FGGY: variants seen among roughly 807,000 people sequenced by gnomAD.
FGGY encodes the protein FGGY carbohydrate kinase domain-containing protein.
Under a neutral mutation model 71.3 loss-of-function variants are expected in FGGY, and 72 were observed. The observed-to-expected ratio is 1.01, with a 90% CI of 0.84 to 1.23. The LOEUF (loss-of-function observed/expected upper bound fraction) is 1.23. FGGY is among the 50% of genes most tolerant of loss of function. The probability of loss-of-function intolerance (pLI) is 0.00; values close to 1 mark genes in which losing one functional copy is unlikely to be tolerated. For synonymous variants in FGGY, 251 were observed against 250.3 expected, an observed-to-expected ratio of 1.00 and a Z score of -0.02; for missense variants, 668 against 682.3, an observed-to-expected ratio of 0.98 and a Z score of 0.23.
At chr1:59,675,709 AC>A (rs2097429098) in intron 14 of FGGY, among the ~76,000 whole-genome samples, 1 of 152,234 alleles carries the variant, frequency 6.6e-6, no homozygotes, top group African/African-American at 2.4e-5. Flanking sequence ...AGATGTTCTC[AC>A]AATTAAATAT....
intron 4 of FGGY, among the ~76,000 whole-genome samples, chr1:59,366,421 G>A (rs971938487): frequency 2.0e-5 from 3 of 151,764 alleles, no homozygotes; most frequent in East Asian, 1.9e-4. Context: ...ATCTCTCCCC[G>A]GAAGCCTTTA....
chr1:59,465,959 C>G (rs1558020410), intron 6 of FGGY, among the ~76,000 whole-genome samples: 3 of 152,106 alleles, frequency 2.0e-5, no homozygotes, highest in Non-Finnish European at 4.4e-5. Flanking sequence ...CCATGCCATT[C>G]CCATCAAGCT....
At chr1:59,439,219 T>G (rs1033635609) in intron 5 of FGGY, among the ~76,000 whole-genome samples, 2 of 152,166 alleles carry the variant, frequency 1.3e-5, no homozygotes, top group African/African-American at 4.8e-5. Flanking sequence ...TTGCATGGAA[T>G]TTGCACCTCA....
At chr1:59,700,516 T>C (rs766829779) in intron 14 of FGGY, among the ~76,000 whole-genome samples, 1 of 152,136 alleles carries the variant, frequency 6.6e-6, no homozygotes. Context: ...AATAAGAGTT[T>C]ATGTTATTAG....
chr1:59,490,976 CTGCTTGCT>C (rs111259040), intron 6 of FGGY, among the ~76,000 whole-genome samples: 25 of 46,818 alleles, frequency 5.3e-4, no homozygotes, highest in African/African-American at 1.6e-3. Context: ...TGCCTCCAGC[CTGCTTGCT>C]TGCTTGCTTG....
chr1:59,445,219 A>AG (rs1357451752), intron 5 of FGGY, among the ~76,000 whole-genome samples: 22 of 152,208 alleles, frequency 1.4e-4, no homozygotes, highest in Non-Finnish European at 2.9e-4. Flanking sequence ...CTTCTGAGGT[A>AG]TGCACAGCAA....
At chr1:59,745,303 A>G (rs912831289) in intron 14 of FGGY, among the ~76,000 whole-genome samples, 1 of 152,188 alleles carries the variant, frequency 6.6e-6, no homozygotes, top group Non-Finnish European at 1.5e-5. Flanking sequence ...TTGAAAGAGC[A>G]TGGAGGGATA....
intron 14 of FGGY, among the ~76,000 whole-genome samples, chr1:59,684,106 C>T (rs1198959932): frequency 6.6e-6 from 1 of 152,166 alleles, no homozygotes. Flanking sequence ...CGGGAACAGC[C>T]TTAGACAGTA....
intron 7 of FGGY, among the ~76,000 whole-genome samples, chr1:59,515,817 A>G (rs186919569): frequency 1.4e-4 from 22 of 152,240 alleles, no homozygotes; most frequent in Non-Finnish European, 2.4e-4. Context: ...TAAACATCCT[A>G]TTCTTCCCAG....
chr1:59,420,488 C>G (rs2065222052), intron 5 of FGGY, among the ~76,000 whole-genome samples: 1 of 152,176 alleles, frequency 6.6e-6, no homozygotes, highest in Admixed American at 6.5e-5. Context: ...CCTTGGATCT[C>G]AGTCTTTGAC....
chr1:59,554,989 C>T (rs1226936921), intron 8 of FGGY, among the ~76,000 whole-genome samples: 3 of 152,022 alleles, frequency 2.0e-5, no homozygotes, highest in African/African-American at 7.3e-5. Flanking sequence ...GGGACACAGC[C>T]CAGGGCAGAA....
At chr1:59,587,557 A>G (rs12759468) in intron 8 of FGGY, among the ~76,000 whole-genome samples, 18,424 of 152,120 alleles carry the variant, frequency 0.12, 1,289 homozygotes, top group South Asian at 0.3. Context: ...CAGTAGGGGC[A>G]GACTGACACC....
At chr1:59,625,659 C>T (rs959248909) in intron 9 of FGGY, among the ~76,000 whole-genome samples, 1 of 151,180 alleles carries the variant, frequency 6.6e-6, no homozygotes, top group Non-Finnish European at 1.5e-5. Flanking sequence ...AACACTCAGA[C>T]CCCCCCCATT....
At chr1:59,641,814 A>C (rs568792418) in intron 11 of FGGY, among the ~76,000 whole-genome samples, 1 of 152,356 alleles carries the variant, frequency 6.6e-6, no homozygotes, top group East Asian at 1.9e-4. Context: ...ATAAGAACAA[A>C]GTCATGTGTG....
intron 7 of FGGY, among the ~76,000 whole-genome samples, chr1:59,547,295 T>C (rs2095541581): frequency 6.6e-6 from 1 of 152,172 alleles, no homozygotes; most frequent in Non-Finnish European, 1.5e-5. Context: ...AGGCTTGAGG[T>C]TAACCCTTTG....
At chr1:59,433,064 A>G (rs10889135) in intron 5 of FGGY, among the ~76,000 whole-genome samples, 66,989 of 152,038 alleles carry the variant, frequency 0.44, 14,927 homozygotes, top group Middle Eastern at 0.53. Flanking sequence ...GCCTAGCTCC[A>G]AGGCTGGGCG....
At chr1:59,663,041 G>A (rs1278028648) in intron 12 of FGGY, among the ~76,000 whole-genome samples, 1 of 2,554 alleles carries the variant, frequency 3.9e-4, no homozygotes, top group Admixed American at 0.015. Flanking sequence ...CATGAAGGAT[G>A]AGGCAAACAG....
At chr1:59,462,921 C>G (rs1231870279) in intron 6 of FGGY, among the ~76,000 whole-genome samples, 1 of 151,616 alleles carries the variant, frequency 6.6e-6, no homozygotes, top group Non-Finnish European at 1.5e-5. Flanking sequence ...GGATCTAGAA[C>G]TAGAAATACC....
At chr1:59,627,128 CTG>C (rs1308421061) in intron 10 of FGGY, among the ~76,000 whole-genome samples, 1 of 151,580 alleles carries the variant, frequency 6.6e-6, no homozygotes, top group East Asian at 1.9e-4. Context: ...ACAGTAAAAA[CTG>C]AACCTACTGT....
Sources: allele counts gnomAD v4.1 joint callset (sites outside exome capture counted in the v4.1 genomes callset), GRCh38; gene constraint gnomAD v4.1.1; transcripts MANE v1.5; gene names NCBI Gene and HGNC (gene_info 2026-07-23, HGNC 2026-07-21).